MMP20: variants seen among roughly 807,000 people sequenced by gnomAD.
MMP20 encodes the protein matrix metalloproteinase-20.
A neutral mutation model predicts 51.8 loss-of-function variants in MMP20; 50 were observed. That is an observed-to-expected ratio of 0.97 (90% CI 0.77 to 1.22). The LOEUF (loss-of-function observed/expected upper bound fraction) is 1.22, where lower values mean the gene tolerates loss of function less well. Among genes scored for constraint, MMP20 ranks in the 50% most tolerant of loss-of-function variants. The pLI, the probability that MMP20 is intolerant of heterozygous loss-of-function variation, is 0.00. For missense variants in MMP20, 663 were observed against 601.4 expected (o/e 1.10, Z -1.07); for synonymous variants, 244 against 216.2 (o/e 1.13, Z -1.13).
At chr11:102,612,738 CTTT>C (rs35861660) in intron 2 of MMP20, among the ~76,000 whole-genome samples, 1 of 127,188 alleles carries the variant, frequency 7.9e-6, no homozygotes, top group Non-Finnish European at 1.6e-5. Context: ...TCTTTTCTTT[CTTT>C]TTTTTTTTTT....
At chr11:102,618,266 A>G (rs1203945785) in intron 1 of MMP20, among the ~76,000 whole-genome samples, 1 of 151,978 alleles carries the variant, frequency 6.6e-6, no homozygotes, top group Non-Finnish European at 1.5e-5. Context: ...ATGGATACAG[A>G]GCACTGATTG....
intron 1 of MMP20, among the ~76,000 whole-genome samples, chr11:102,618,169 C>T (rs894013287): frequency 2.0e-5 from 3 of 152,070 alleles, no homozygotes; most frequent in Non-Finnish European, 4.4e-5. Flanking sequence ...CTGTTTTGAA[C>T]ATGTCTTCCC....
At chr11:102,585,493 GT>G (rs1251477386) in intron 8 of MMP20, among the ~76,000 whole-genome samples, 1 of 152,058 alleles carries the variant, frequency 6.6e-6, no homozygotes, top group African/African-American at 2.4e-5. Context: ...AGTTCTAAAA[GT>G]TTTTTTAGAG....
In MMP20 at chr11:102,582,344, A is replaced by G. The variant is rs532328693; in HGVS notation, c.1248-3202T>C. ...ACTGAGTCAGCTAAAGGATGCTTAA[A>G]GAGAATGCAAGAAAGGGCGGCAAAA... On this transcript the variant is annotated intron_variant, in intron 8 of 9. Transcript: ENST00000260228. Among the ~76,000 whole-genome samples, 226 of 152,348 alleles carry G rather than the reference A, an allele frequency of 1.5e-3. 3 individuals are homozygous for G. Among genetic ancestry groups the G allele is most frequent in the African/African-American group, 5.1e-3 (214 of 41,576 alleles).
intron 6 of MMP20, among the ~76,000 whole-genome samples, chr11:102,606,310 G>A (rs1052433989): frequency 6.6e-6 from 1 of 152,100 alleles, no homozygotes; most frequent in Non-Finnish European, 1.5e-5. Context: ...GTCCATATAT[G>A]GACATAACTT....
intron 4 of MMP20, among the ~76,000 whole-genome samples, chr11:102,609,508 A>G (rs147422521): frequency 3.3e-5 from 5 of 152,270 alleles, no homozygotes; most frequent in Admixed American, 2.0e-4. Flanking sequence ...TTTCCAGATG[A>G]CCTGTATGAT....
rs751233658 is a variant in MMP20 at position 102,616,808 on chromosome 11, T to C, written c.374+4A>G. ...CTGAATTTGGAAAGACTTGATCTCA[T>C]TACCTGTATGTCAAAGTATTTTTTT... On this transcript the variant is annotated splice_donor_region_variant and intron_variant, in intron 2 of 9. Transcript: ENST00000260228. 6.2e-7 allele frequency: 1 copy of C among 1,614,176 alleles called. No homozygotes were observed. Among genetic ancestry groups the C allele is most frequent in the South Asian group, 1.1e-5 (1 of 91,076 alleles).
At chr11:102,616,474 T>C (rs17099068) in intron 2 of MMP20, among the ~76,000 whole-genome samples, 2 of 152,216 alleles carry the variant, frequency 1.3e-5, no homozygotes. Context: ...TAGTAGGTTA[T>C]TTTTTTCTTT....
chr11:102,611,132 C>T (rs1859593633), intron 3 of MMP20, among the ~76,000 whole-genome samples: 1 of 152,176 alleles, frequency 6.6e-6, no homozygotes, highest in South Asian at 2.1e-4. Context: ...GTTTTCCCCC[C>T]AGTGACATCA....
At chr11:102,587,939 C>A (rs1218712189) in intron 8 of MMP20, among the ~76,000 whole-genome samples, 2 of 152,108 alleles carry the variant, frequency 1.3e-5, no homozygotes, top group Non-Finnish European at 2.9e-5. Flanking sequence ...AATCTATTCA[C>A]ATTTAATGTT....
intron 1 of MMP20, among the ~76,000 whole-genome samples, chr11:102,624,732 G>T (rs1433546708): frequency 6.6e-6 from 1 of 152,102 alleles, no homozygotes; most frequent in Non-Finnish European, 1.5e-5. Context: ...TTTGATCAGG[G>T]TTACCTTGAA....
chr11:102,598,479 G>A (rs1265720189), intron 6 of MMP20, among the ~76,000 whole-genome samples: 1 of 152,158 alleles, frequency 6.6e-6, no homozygotes, highest in East Asian at 1.9e-4. Context: ...TGCTATGCTG[G>A]CACATAGTCA....
At position 102,593,619 on chromosome 11, in the gene MMP20, C is replaced by T. The variant is rs368481338; in HGVS notation, c.1091-24G>A. On this transcript the variant is annotated intron_variant, in intron 7 of 9. Coordinates refer to ENST00000260228, the MANE Select transcript of MMP20 (RefSeq NM_004771.4). ...ACCTGAAAACAGAAATTAAAGTTTACGAAAACTCTGCACCACTTGGTGATG... is the reference window on the plus strand; with the variant it reads ...ACCTGAAAACAGAAATTAAAGTTTATGAAAACTCTGCACCACTTGGTGATG... The T allele has an allele frequency of 2.4e-5, 38 of 1,613,522 alleles. No individual in the cohort carries two copies. The African/African-American group carries it at 2.8e-4, about 12-fold the overall frequency.
intron 8 of MMP20, among the ~76,000 whole-genome samples, chr11:102,592,782 T>A (rs1784443): frequency 0.87 from 131,867 of 152,204 alleles, 57,285 homozygotes; most frequent in East Asian, 0.99. Flanking sequence ...AAGGAGCTCC[T>A]CTCATTCCTC....
chr11:102,578,139 G>A (rs980390619), intron 9 of MMP20, among the ~76,000 whole-genome samples: 2 of 143,272 alleles, frequency 1.4e-5, no homozygotes, highest in African/African-American at 5.1e-5. Context: ...TGAGAAGCTT[G>A]AGACAGATTT....
intron 7 of MMP20, 86 bp from the exon 8 acceptor site, chr11:102,593,681 A>G (rs1591612445): frequency 6.9e-7 from 1 of 1,451,414 alleles, no homozygotes; most frequent in East Asian, 2.3e-5. Flanking sequence ...AGGCTCTTAA[A>G]TGGGGTTAGT....
At chr11:102,593,645 C>G (rs778038364) in intron 7 of MMP20, 50 bp from the exon 8 acceptor site, 3 of 1,596,172 alleles carry the variant, frequency 1.9e-6, no homozygotes, top group Non-Finnish European at 2.6e-6. Context: ...CTTGGTGATG[C>G]ACTTCTCTCA....
intron 8 of MMP20, among the ~76,000 whole-genome samples, chr11:102,590,137 C>T (rs977514020): frequency 6.6e-6 from 1 of 152,118 alleles, no homozygotes; most frequent in Non-Finnish European, 1.5e-5. Flanking sequence ...TGCCAGAAAT[C>T]CCTTGATGTA....
At chr11:102,587,958 A>G (rs1859273258) in intron 8 of MMP20, among the ~76,000 whole-genome samples, 2 of 152,130 alleles carry the variant, frequency 1.3e-5, no homozygotes, top group South Asian at 4.1e-4. Flanking sequence ...TTATTGATAA[A>G]GTTGAATTTA....
Sources: gnomAD v4.1 joint callset for allele counts (sites outside exome capture counted in the v4.1 genomes callset) on GRCh38, gnomAD v4.1.1 for gene constraint, MANE v1.5 for transcripts, NCBI Gene and HGNC (gene_info 2026-07-23, HGNC 2026-07-21) for gene names.